GALNTL6: variants seen among roughly 807,000 people sequenced by gnomAD.
GALNTL6 encodes the protein polypeptide N-acetylgalactosaminyltransferase like 6, also known as polypeptide N-acetylgalactosaminyltransferase-like 6.
A neutral mutation model predicts 73.7 loss-of-function variants in GALNTL6; 46 were observed. The observed-to-expected ratio is 0.62, with a 90% CI of 0.49 to 0.80. The LOEUF is 0.80. Among genes scored for constraint, GALNTL6 ranks in the 30% least tolerant of loss-of-function variants. The probability of loss-of-function intolerance (pLI) is 0.00; values close to 1 mark genes in which losing one functional copy is unlikely to be tolerated. For missense variants in GALNTL6, 604 were observed against 755.0 expected, an observed-to-expected ratio of 0.80 and a Z score of 2.34; for synonymous variants, 259 against 263.7, an observed-to-expected ratio of 0.98 and a Z score of 0.17.
intron 2 of GALNTL6, among the ~76,000 whole-genome samples, chr4:171,883,197 A>T (rs1736503112): frequency 6.6e-6 from 1 of 151,902 alleles, no homozygotes; most frequent in Non-Finnish European, 1.5e-5. Flanking sequence ...CTAAAAATAC[A>T]AAAAAATTAG....
At chr4:172,194,903 G>C (rs28779012) in intron 2 of GALNTL6, among the ~76,000 whole-genome samples, 6,386 of 152,082 alleles carry the variant, frequency 0.042, 421 homozygotes, top group African/African-American at 0.14. Flanking sequence ...CTGCAAAATA[G>C]CCAGCTAGTA....
chr4:172,617,576 A>C (rs1158817066), intron 5 of GALNTL6, among the ~76,000 whole-genome samples: 1 of 151,938 alleles, frequency 6.6e-6, no homozygotes, highest in African/African-American at 2.4e-5. Context: ...TCCTGGGTTC[A>C]CGCCATTCTC....
chr4:172,740,472 A>G (rs1408763817), intron 5 of GALNTL6, among the ~76,000 whole-genome samples: 1 of 152,132 alleles, frequency 6.6e-6, no homozygotes, highest in Admixed American at 6.5e-5. Context: ...AATTGCTAAG[A>G]TTTATTGGTA....
At chr4:172,184,618 C>T (rs72700991) in intron 2 of GALNTL6, among the ~76,000 whole-genome samples, 3,413 of 152,222 alleles carry the variant, frequency 0.022, 43 homozygotes, top group Non-Finnish European at 0.032. Flanking sequence ...ACATGACTTT[C>T]CACAGTTCTT....
chr4:172,962,869 T>G (rs1750146557), intron 10 of GALNTL6, among the ~76,000 whole-genome samples: 1 of 152,058 alleles, frequency 6.6e-6, no homozygotes, highest in Admixed American at 6.6e-5. Context: ...TTCAGCTGGA[T>G]TACTGCACTT....
At position 171,955,973 on chromosome 4, in the gene GALNTL6, T is replaced by A. The variant is rs544440546; in HGVS notation, c.138+141255T>A. On this transcript the variant is annotated intron_variant, in intron 2 of 12. Coordinates refer to ENST00000506823, the MANE Select transcript of GALNTL6 (RefSeq NM_001034845.3). ...TATAAAACAGTATTTATGTTCTTTT[T>A]AATAAATATTTGTTACTTACTAATT... 1.3e-4 allele frequency among the ~76,000 whole-genome samples: 20 copies of A among 150,802 alleles called. No individual in the cohort carries two copies. The South Asian group carries it at 4.2e-3, about 32-fold the overall frequency.
intron 5 of GALNTL6, among the ~76,000 whole-genome samples, chr4:172,524,034 T>C (rs1024706722): frequency 8.5e-5 from 13 of 152,274 alleles, no homozygotes; most frequent in African/African-American, 3.1e-4. Context: ...CTATGGTAAT[T>C]GTATCCTGAA....
chr4:172,434,963 T>C (rs550296020), intron 5 of GALNTL6, among the ~76,000 whole-genome samples: 1 of 152,174 alleles, frequency 6.6e-6, no homozygotes. Flanking sequence ...CAGAGCTCTA[T>C]ATGCAAGATC....
At chr4:172,171,674 CA>C (rs557479024) in intron 2 of GALNTL6, among the ~76,000 whole-genome samples, 1,935 of 126,470 alleles carry the variant, frequency 0.015, 17 homozygotes, top group Non-Finnish European at 0.021. Context: ...ATCAAAAATA[CA>C]AAAAAAAAAA....
chr4:172,534,025 G>A (rs111435561), intron 5 of GALNTL6, among the ~76,000 whole-genome samples: 176 of 152,282 alleles, frequency 1.2e-3, no homozygotes, highest in Non-Finnish European at 1.7e-3. Flanking sequence ...AATACTAGTA[G>A]GGCTGTGGAA....
At chr4:172,752,007 A>T (rs78153125) in intron 5 of GALNTL6, among the ~76,000 whole-genome samples, 2,017 of 151,658 alleles carry the variant, frequency 0.013, 45 homozygotes, top group African/African-American at 0.046. Flanking sequence ...CCTAAGAGGA[A>T]TAAGTAATTA....
chr4:172,613,903 GC>G (rs1213380519), intron 5 of GALNTL6, among the ~76,000 whole-genome samples: 19 of 152,004 alleles, frequency 1.2e-4, no homozygotes, highest in African/African-American at 4.1e-4. Context: ...AACTAAGCTG[GC>G]TTCTTGCTAA....
At chr4:172,854,216 T>C (rs1743999694) in intron 7 of GALNTL6, among the ~76,000 whole-genome samples, 1 of 152,182 alleles carries the variant, frequency 6.6e-6, no homozygotes, top group Admixed American at 6.5e-5. Flanking sequence ...CCCATCCACT[T>C]TGGCCCATAT....
At chr4:172,367,921 C>T (rs1337099223) in intron 5 of GALNTL6, among the ~76,000 whole-genome samples, 3 of 152,058 alleles carry the variant, frequency 2.0e-5, no homozygotes, top group African/African-American at 4.8e-5. Context: ...ATTGGCAATA[C>T]CCATAATGCT....
At chr4:171,951,127 T>C (rs1404640210) in intron 2 of GALNTL6, among the ~76,000 whole-genome samples, 1 of 152,032 alleles carries the variant, frequency 6.6e-6, no homozygotes, top group East Asian at 1.9e-4. Flanking sequence ...GTGTGTGTTG[T>C]ATATGACAGA....
At chr4:172,474,680 G>T (rs1733170389) in intron 5 of GALNTL6, among the ~76,000 whole-genome samples, 1 of 152,078 alleles carries the variant, frequency 6.6e-6, no homozygotes, top group African/African-American at 2.4e-5. Context: ...TCACTTAGAT[G>T]AAAATAATTA....
At chr4:171,814,790 G>T in intron 2 of GALNTL6, 72 bp downstream of exon 2, 1 of 1,504,690 alleles carries the variant, frequency 6.6e-7, no homozygotes. Flanking sequence ...ACTCGAGAAA[G>T]CCGGTGTGGG....
intron 10 of GALNTL6, among the ~76,000 whole-genome samples, chr4:172,954,579 A>C (rs919388866): frequency 2.6e-5 from 4 of 151,674 alleles, no homozygotes; most frequent in Admixed American, 1.3e-4. Context: ...TGATCCTCCC[A>C]CCTCAGCCTT....
intron 2 of GALNTL6, among the ~76,000 whole-genome samples, chr4:171,836,277 C>T (rs1735092862): frequency 6.6e-6 from 1 of 152,040 alleles, no homozygotes; most frequent in Non-Finnish European, 1.5e-5. Flanking sequence ...CTTCACACTG[C>T]TTCCAACTCT....
Sources: allele counts gnomAD v4.1 joint callset (sites outside exome capture counted in the v4.1 genomes callset), GRCh38; gene constraint gnomAD v4.1.1; transcripts MANE v1.5; gene names NCBI Gene and HGNC (gene_info 2026-07-23, HGNC 2026-07-21).